Variants in ARAP2 observed in about 807,000 individuals in gnomAD.
ARAP2 encodes arf-GAP with Rho-GAP domain, ANK repeat and PH domain-containing protein 2.
A neutral mutation model predicts 194.5 loss-of-function variants in ARAP2; 148 were observed. The ratio of observed to expected loss-of-function variants is 0.76; its 90% CI spans 0.67 to 0.87. The LOEUF (loss-of-function observed/expected upper bound fraction) is 0.87, where lower values mean the gene tolerates loss of function less well. Ranked by LOEUF, ARAP2 falls within the 40% of genes least tolerant of loss-of-function variation. The pLI, the probability that ARAP2 is intolerant of heterozygous loss-of-function variation, is 0.00. For synonymous variants in ARAP2, 695 were observed against 683.5 expected, an observed-to-expected ratio of 1.02 and a Z score of -0.26; for missense variants, 2,128 against 1,989.7, an observed-to-expected ratio of 1.07 and a Z score of -1.32.
chr4:36,134,590 A>G (rs1393219558), intron 19 of ARAP2, among the ~76,000 whole-genome samples: 1 of 151,698 alleles, frequency 6.6e-6, no homozygotes, highest in East Asian at 1.9e-4. Flanking sequence ...ACGCAAAGCT[A>G]ATGACATCAC....
At chr4:36,145,275 AC>A (rs1729377608) in intron 19 of ARAP2, among the ~76,000 whole-genome samples, 1 of 152,028 alleles carries the variant, frequency 6.6e-6, no homozygotes, top group African/African-American at 2.4e-5. Context: ...CGTGGAATCA[AC>A]TCAAGTGCCG....
intron 1 of ARAP2, among the ~76,000 whole-genome samples, chr4:36,238,356 C>T (rs1199442347): frequency 3.3e-5 from 5 of 152,184 alleles, no homozygotes; most frequent in Non-Finnish European, 5.9e-5. Context: ...ATTTACTCCT[C>T]ACAGCTGCAG....
chr4:36,192,467 T>C (rs2109914458), intron 7 of ARAP2, among the ~76,000 whole-genome samples: 1 of 152,174 alleles, frequency 6.6e-6, no homozygotes, highest in South Asian at 2.1e-4. Context: ...CTAGAAATTA[T>C]CTCAAATGAA....
Position 36,159,414 on chromosome 4 carries a change from G to C in ARAP2, c.2534C>G (p.Pro845Arg). ...TAGCAGATAGGGGGTGCTATGCACG[G>C]GGTCTCCGGTGGCACACATGACATC... ...GADVMCATGD[P>R]VHSTPYLLAK... Residue 845 changes from proline to arginine, a missense_variant, in exon 14 of 33, where the codon CCC (proline) becomes CGC (arginine). Transcript: ENST00000303965. 6.2e-7 allele frequency: 1 copy of C among 1,612,204 alleles called. No individual in the cohort carries two copies. The highest frequency in any genetic ancestry group is 8.5e-7 in the Non-Finnish European group (1 of 1,178,642).
chr4:36,181,437 A>G (rs1578191498), intron 8 of ARAP2, among the ~76,000 whole-genome samples: 2 of 152,324 alleles, frequency 1.3e-5, no homozygotes, highest in East Asian at 3.9e-4. Context: ...AATCGAGACA[A>G]TATTCTCTGG....
chr4:36,144,536 A>AATG (rs1729154782), intron 19 of ARAP2, among the ~76,000 whole-genome samples: 1 of 151,842 alleles, frequency 6.6e-6, no homozygotes, highest in Non-Finnish European at 1.5e-5. Context: ...TCTAAGAAAT[A>AATG]AGTAAAAATG....
intron 15 of ARAP2, chr4:36,157,445 A>G (rs941791613): frequency 6.6e-6 from 1 of 152,228 alleles, no homozygotes; most frequent in African/African-American, 2.4e-5. Context: ...AAGGATGACA[A>G]AAACCAATTG....
At chr4:36,178,288 G>C (rs1738438587) in intron 8 of ARAP2, among the ~76,000 whole-genome samples, 1 of 152,136 alleles carries the variant, frequency 6.6e-6, no homozygotes, top group Non-Finnish European at 1.5e-5. Context: ...ATCACAGGCT[G>C]TATTTTAAAA....
intron 30 of ARAP2, among the ~76,000 whole-genome samples, chr4:36,080,931 C>T (rs2109344082): frequency 6.6e-6 from 1 of 152,130 alleles, no homozygotes; most frequent in African/African-American, 2.4e-5. Flanking sequence ...AACATAGAAA[C>T]CACAGACTTG....
chr4:36,240,885 C>G (rs958984019), intron 1 of ARAP2, among the ~76,000 whole-genome samples: 4 of 152,116 alleles, frequency 2.6e-5, no homozygotes, highest in Admixed American at 1.3e-4. Context: ...GTACAAATTC[C>G]TTTACTTAGT....
At chr4:36,212,165 T>C (rs1247911365) in intron 5 of ARAP2, among the ~76,000 whole-genome samples, 2 of 151,948 alleles carry the variant, frequency 1.3e-5, no homozygotes, top group Non-Finnish European at 2.9e-5. Flanking sequence ...TGGTTTCCAT[T>C]AGAAAAAGAC....
Position 36,225,955 on chromosome 4 carries a change from GTTATA to G in ARAP2, c.905+2622_905+2626del, listed in dbSNP as rs147899736. Reference sequence around the variant, plus strand: ...CATAACCCACAGTTTGATTTAAAAAGTTATATTATAACACTTTAAAATCATGGAAT... The same window carrying G: ...CATAACCCACAGTTTGATTTAAAAAGTTATAACACTTTAAAATCATGGAAT... On this transcript the variant is annotated intron_variant, in intron 2 of 32. Coordinates refer to ENST00000303965, the MANE Select transcript of ARAP2 (RefSeq NM_015230.4). Among the ~76,000 whole-genome samples, 950 of 152,064 alleles carry G rather than the reference GTTATA, an allele frequency of 6.2e-3. 8 individuals carry two copies. The highest frequency in any genetic ancestry group is 0.022 in the African/African-American group (898 of 41,472).
At position 36,067,912 on chromosome 4, in the gene ARAP2, T is replaced by G; in HGVS notation, c.5110A>C (p.Lys1704Gln). Reference protein sequence around the residue: ...PKELQDEQILK With the variant: ...PKELQDEQILQ Reference sequence around the variant, plus strand: ...GGAGCAATTCATTTTATTTCCTACTTCAAAATCTGCTCATCCTGTAATTCT... The same window carrying G: ...GGAGCAATTCATTTTATTTCCTACTGCAAAATCTGCTCATCCTGTAATTCT... Residue 1704 changes from lysine (K) to glutamine (Q), a missense_variant, in exon 33 of 33, where the codon AAG becomes CAG. Lys to Gln is a moderately conservative substitution (Grantham distance 53). Transcript: ENST00000303965. 1 of 1,571,646 alleles carries G rather than the reference T, an allele frequency of 6.4e-7. No homozygotes were observed. Among genetic ancestry groups the G allele is most frequent in the Non-Finnish European group, 8.6e-7 (1 of 1,157,288 alleles).
intron 32 of ARAP2, among the ~76,000 whole-genome samples, chr4:36,072,619 T>G (rs1577741674): frequency 6.6e-6 from 1 of 150,882 alleles, no homozygotes; most frequent in East Asian, 1.9e-4. Flanking sequence ...TTTAAGATAC[T>G]TGATTAGATA....
chr4:36,208,993 T>G (rs1017534551), intron 6 of ARAP2, among the ~76,000 whole-genome samples: 1 of 152,084 alleles, frequency 6.6e-6, no homozygotes, highest in South Asian at 2.1e-4. Context: ...ATTGTAACTG[T>G]CCCAGAGGTG....
intron 31 of ARAP2, among the ~76,000 whole-genome samples, chr4:36,075,827 C>T (rs1403138233): frequency 6.6e-6 from 1 of 152,126 alleles, no homozygotes; most frequent in Admixed American, 6.6e-5. Flanking sequence ...AAACAAATTA[C>T]TCTGTACATC....
intron 8 of ARAP2, among the ~76,000 whole-genome samples, chr4:36,184,615 A>G (rs1316718655): frequency 1.3e-5 from 2 of 152,186 alleles, no homozygotes; most frequent in Non-Finnish European, 2.9e-5. Flanking sequence ...ACTTAAATAA[A>G]ACGTGTCTGT....
At chr4:36,225,903 T>C (rs1471104987) in intron 2 of ARAP2, among the ~76,000 whole-genome samples, 1 of 152,118 alleles carries the variant, frequency 6.6e-6, no homozygotes, top group Non-Finnish European at 1.5e-5. Flanking sequence ...AATATCAATA[T>C]CATTGACCAA....
Position 36,165,025 on chromosome 4 carries a change from C to T in ARAP2, c.2062G>A (p.Ala688Thr), listed in dbSNP as rs1331896529. ...GATTCATTGAACCAAATCTTCTCAG[C>T]TACTTCATAATCAGAGAGAGTTTCT... The part of the protein sequence containing the change: ...IAETLSDYEV[A>T]EKIWFNESNR... The change falls in exon 11 of 33, where the codon GCT becomes ACT. Residue 688 changes from alanine (A) to threonine (T), a missense_variant. Transcript: ENST00000303965. 1 of 1,614,074 alleles carries T rather than the reference C, an allele frequency of 6.2e-7. No individual in the cohort carries two copies. Among genetic ancestry groups the T allele is most frequent in the Admixed American group, 1.7e-5 (1 of 60,016 alleles).
Sources: allele counts gnomAD v4.1 joint callset (sites outside exome capture counted in the v4.1 genomes callset), GRCh38; gene constraint gnomAD v4.1.1; transcripts MANE v1.5; gene names NCBI Gene and HGNC (gene_info 2026-07-23, HGNC 2026-07-21).